Variants in EPHB2 observed in about 807,000 individuals in gnomAD.
EPHB2 encodes the protein ephrin type-B receptor 2.
EPHB2 carries 18 observed loss-of-function variants against 96.4 expected under a neutral mutation model. The observed-to-expected ratio is 0.19, with a 90% CI of 0.13 to 0.28. The LOEUF is 0.28. Ranked by LOEUF, EPHB2 falls within the 10% of genes least tolerant of loss-of-function variation. EPHB2 has a pLI of 1.00. For synonymous variants in EPHB2, 506 were observed against 534.1 expected, an observed-to-expected ratio of 0.95 and a Z score of 0.72; for missense variants, 989 against 1,355.4, an observed-to-expected ratio of 0.73 and a Z score of 4.25.
intron 1 of EPHB2, among the ~76,000 whole-genome samples, chr1:22,767,596 G>T (rs1412206282): frequency 6.6e-6 from 1 of 152,212 alleles, no homozygotes; most frequent in East Asian, 1.9e-4. Context: ...GCAGGTCGTA[G>T]GTGCTCAGTA....
At chr1:22,888,293 G>A (rs1297123441) in intron 6 of EPHB2, among the ~76,000 whole-genome samples, 2 of 152,020 alleles carry the variant, frequency 1.3e-5, no homozygotes, top group East Asian at 1.9e-4. Context: ...TCCAGCCCTC[G>A]GCCTCACAAA....
chr1:22,788,731 TG>T (rs1378945799), intron 3 of EPHB2, among the ~76,000 whole-genome samples: 1 of 148,470 alleles, frequency 6.7e-6, no homozygotes, highest in Non-Finnish European at 1.5e-5. Flanking sequence ...TATTTTGTTT[TG>T]TTTTTTTGTC....
chr1:22,892,208 T>G (rs1639412087), intron 6 of EPHB2, among the ~76,000 whole-genome samples: 1 of 152,158 alleles, frequency 6.6e-6, no homozygotes, highest in Non-Finnish European at 1.5e-5. Flanking sequence ...ACAAGGGCTC[T>G]TACGCTTAAC....
chr1:22,892,242 G>A (rs540139267), intron 6 of EPHB2, among the ~76,000 whole-genome samples: 21 of 152,206 alleles, frequency 1.4e-4, no homozygotes, highest in Non-Finnish European at 2.8e-4. Flanking sequence ...GGGCAGGGAA[G>A]GGGATACAGA....
chr1:22,805,721 CAT>C (rs1644915496), intron 3 of EPHB2, among the ~76,000 whole-genome samples: 1 of 152,070 alleles, frequency 6.6e-6, no homozygotes, highest in African/African-American at 2.4e-5. Flanking sequence ...GGTGCATGTA[CAT>C]GTGTGTATGA....
At chr1:22,737,356 T>C (rs1195328396) in intron 1 of EPHB2, among the ~76,000 whole-genome samples, 1 of 152,194 alleles carries the variant, frequency 6.6e-6, no homozygotes, top group East Asian at 1.9e-4. Context: ...GTCAAACAGC[T>C]GCTCGTTGAC....
In EPHB2 at chr1:22,906,728, G is replaced by A; in HGVS notation, c.1907G>A (p.Cys636Tyr). Residue 636 changes from cysteine (C) to tyrosine (Y), a missense_variant, in exon 11 of 16, where the codon TGC (cysteine) becomes TAC (tyrosine). Transcript: ENST00000374630. The surrounding 1 kb of genome is among the most constrained non-coding windows in gnomAD (Gnocchi z 4.8). ...VIGAGEFGEVCSGHLKLPGKR... is the reference protein window; with the variant it reads ...VIGAGEFGEVYSGHLKLPGKR... The stretch of plus-strand genomic sequence containing the variant: ...CTCTCAGGGGAGTTTGGCGAGGTCT[G>A]CAGTGGCCACCTGAAGCTGCCAGGC... 1.2e-6 allele frequency: 2 copies of A among 1,614,154 alleles called. No individual in the cohort carries two copies. The highest frequency in any genetic ancestry group is 1.7e-6 in the Non-Finnish European group (2 of 1,180,038).
Position 22,914,645 on chromosome 1 carries a change from T to A in EPHB2, c.*1075T>A, listed in dbSNP as rs569141572. The A allele has an allele frequency of 8.5e-5, 13 of 152,780 alleles. No homozygotes were observed. Among genetic ancestry groups the A allele is most frequent in the African/African-American group, 2.6e-4 (11 of 41,562 alleles). 9.5% of individuals were successfully genotyped at this position (152,780 alleles called of 1,614,324 possible). A position where few individuals can be genotyped will look rare whatever the true frequency, so the allele number is the denominator to read the frequency against. On this transcript the variant is annotated 3_prime_UTR_variant, in exon 16 of 16. Transcript: ENST00000374630. ...AAGAAGGTGCTTTCTGCTTACTGAC[T>A]TAGGCAATACACCAAGGGCGAGATT...
chr1:22,798,833 A>C (rs1056959105), intron 3 of EPHB2, among the ~76,000 whole-genome samples: 2 of 152,100 alleles, frequency 1.3e-5, no homozygotes, highest in Non-Finnish European at 2.9e-5. Flanking sequence ...GGAGCTCAGA[A>C]GGCAGGAGCA....
chr1:22,793,140 ATTCT>A (rs1362611046), intron 3 of EPHB2, among the ~76,000 whole-genome samples: 7 of 152,116 alleles, frequency 4.6e-5, no homozygotes, highest in African/African-American at 1.7e-4. Flanking sequence ...ACATGAGATG[ATTCT>A]TTCTCTCTGG....
At chr1:22,879,460 C>T (rs1638959403) in intron 5 of EPHB2, among the ~76,000 whole-genome samples, 1 of 152,200 alleles carries the variant, frequency 6.6e-6, no homozygotes, top group Non-Finnish European at 1.5e-5. Flanking sequence ...TCCAGGAGAG[C>T]AGAACACTCA....
In EPHB2 at chr1:22,858,223, TGA is replaced by T. The variant is rs1022643795; in HGVS notation, c.812-4810_812-4809del. On this transcript the variant is annotated intron_variant, in intron 3 of 15. Transcript: ENST00000374630. This position sits in a 1 kb window ranked among gnomAD's most constrained non-coding sequence, Gnocchi z 7.7. ...TGACCACAGGCAGGAGCGCAGTGAG[TGA>T]GAGGAGGAGGGGGAAGCGTCCAGGA... is the stretch of plus-strand genomic sequence containing the variant. Among the ~76,000 whole-genome samples, 81 of 145,692 alleles carry T rather than the reference TGA, an allele frequency of 5.6e-4. No homozygotes were observed. The highest frequency in any genetic ancestry group is 3.1e-5 in the Non-Finnish European group (2 of 64,004).
At chr1:22,887,893 G>T (rs1639276001) in intron 6 of EPHB2, among the ~76,000 whole-genome samples, 1 of 152,160 alleles carries the variant, frequency 6.6e-6, no homozygotes, top group Admixed American at 6.5e-5. Flanking sequence ...GAAAGTTCAG[G>T]CCATATTCAG....
chr1:22,815,628 A>G (rs962518333), intron 3 of EPHB2, among the ~76,000 whole-genome samples: 18 of 152,270 alleles, frequency 1.2e-4, no homozygotes, highest in Admixed American at 1.0e-3. Flanking sequence ...GGGGCCGTTC[A>G]AAGATTCCGA....
chr1:22,718,314 C>T (rs1488116787), intron 1 of EPHB2, among the ~76,000 whole-genome samples: 1 of 151,820 alleles, frequency 6.6e-6, no homozygotes, highest in Non-Finnish European at 1.5e-5. Flanking sequence ...CTGTACCCTC[C>T]TTCTTTGCCC....
chr1:22,873,623 C>T (rs758332153), intron 5 of EPHB2, among the ~76,000 whole-genome samples: 2 of 152,130 alleles, frequency 1.3e-5, no homozygotes, highest in Non-Finnish European at 2.9e-5. Context: ...GTTTCTTTTT[C>T]TCATGTGTGA....
chr1:22,908,609 C>G (rs559769817), intron 12 of EPHB2, among the ~76,000 whole-genome samples: 144 of 152,300 alleles, frequency 9.5e-4, no homozygotes, highest in Non-Finnish European at 9.6e-4. Context: ...TCAGGACTCT[C>G]TCCTGAAAGC....
chr1:22,847,807 T>G (rs1334829934), intron 3 of EPHB2, among the ~76,000 whole-genome samples: 1 of 152,138 alleles, frequency 6.6e-6, no homozygotes, highest in Non-Finnish European at 1.5e-5. Flanking sequence ...ATACACCCTG[T>G]GCTCCAGTCC....
rs763823836 is a variant in EPHB2 at position 22,865,171 on chromosome 1, C to T, written c.1262C>T (p.Ser421Leu). Reference protein sequence around the residue: ...VNGVTDQSPFSPQFASVNITT... With the variant: ...VNGVTDQSPFLPQFASVNITT... ...GGCGTTACTGACCAGAGCCCCTTCT[C>T]GCCTCAGTTCGCCTCTGTGAACATC... The change falls in exon 5 of 16, where the codon TCG becomes TTG. Residue 421 changes from serine to leucine, a missense_variant. Transcript: ENST00000374630. 14 of 1,614,106 alleles carry T rather than the reference C, an allele frequency of 8.7e-6. No individual in the cohort carries two copies. In the East Asian group the frequency reaches 2.0e-4, roughly 23 times the overall value.
Sources: gnomAD v4.1 joint callset for allele counts (sites outside exome capture counted in the v4.1 genomes callset) on GRCh38, gnomAD v4.1.1 for gene constraint, Gnocchi (gnomAD v3.1) non-coding constraint, MANE v1.5 for transcripts, NCBI Gene and HGNC (gene_info 2026-07-23, HGNC 2026-07-21) for gene names.